Variants in TAB2 observed in about 807,000 individuals in gnomAD.
TAB2 encodes the protein TGF-beta-activated kinase 1 and MAP3K7-binding protein 2.
Under a neutral mutation model 65.0 loss-of-function variants are expected in TAB2, and 3 were observed. That is an observed-to-expected ratio of 0.05 (90% CI 0.02 to 0.12). The LOEUF is 0.12. Ranked by LOEUF, TAB2 falls within the 10% of genes least tolerant of loss-of-function variation. TAB2 has a pLI of 1.00. For missense variants in TAB2, 623 were observed against 840.3 expected (o/e 0.74, Z 3.20); for synonymous variants, 298 against 285.1 (o/e 1.05, Z -0.46).
chr6:149,222,768 T>C (rs1777179520), intron 1 of TAB2, among the ~76,000 whole-genome samples: 2 of 152,332 alleles, frequency 1.3e-5, no homozygotes, highest in South Asian at 4.1e-4. Context: ...ACCTACACTT[T>C]TCTTGCTGAT....
intron 1 of TAB2, among the ~76,000 whole-genome samples, chr6:149,273,229 T>C (rs1008206459): frequency 4.6e-5 from 7 of 152,098 alleles, no homozygotes; most frequent in African/African-American, 1.7e-4. Flanking sequence ...TAGAGGTACA[T>C]AGAAAAGTCA....
upstream of TAB2, among the ~76,000 whole-genome samples, chr6:149,317,263 A>G (rs2114718136): frequency 6.6e-6 from 1 of 152,064 alleles, no homozygotes; most frequent in Non-Finnish European, 1.5e-5. The surrounding 1 kb of genome is among the most constrained non-coding windows in gnomAD (Gnocchi z 4.7). Flanking sequence ...AGGGGGTCCC[A>G]GCCCTCCCCG....
At chr6:149,371,864 G>A (rs1781237663) in intron 2 of TAB2, among the ~76,000 whole-genome samples, 1 of 152,092 alleles carries the variant, frequency 6.6e-6, no homozygotes, top group South Asian at 2.1e-4. Context: ...AATAAAGATG[G>A]AGTCAGAAGT....
chr6:149,379,019 C>T lies in TAB2; in HGVS notation c.1104C>T (p.Tyr368=). Residue 368 remains tyrosine, a synonymous_variant, in exon 3 of 7, where the codon TAC becomes TAT. Transcript: ENST00000637181. ...TAAACAGAAATCAGCCCACTGTTTACATAGCTGCCAGCCCCCCAAATACGG... is the reference window on the plus strand; with the variant it reads ...TAAACAGAAATCAGCCCACTGTTTATATAGCTGCCAGCCCCCCAAATACGG... ...QTLNRNQPTV[Y]IAASPPNTDE... 6.2e-7 allele frequency: 1 copy of T among 1,614,214 alleles called. No homozygotes were observed. Among genetic ancestry groups the T allele is most frequent in the Non-Finnish European group, 8.5e-7 (1 of 1,180,034 alleles).
In TAB2 at chr6:149,378,105, G is replaced by T. The variant is rs1244858048; in HGVS notation, c.190G>T (p.Asp64Tyr). 1 of 1,614,160 alleles carries T rather than the reference G, an allele frequency of 6.2e-7. No homozygotes were observed. The highest frequency in any genetic ancestry group is 1.1e-5 in the South Asian group (1 of 91,072). ...TGGTGAAGGAGACTTGAATTTTTCA[G>T]ATGATTCTGGAATTTCTGGTCTACG... ...LYGEGDLNFS[D>Y]DSGISGLRNH... The change falls in exon 3 of 7, where the codon GAT becomes TAT. Residue 64 changes from aspartate to tyrosine, a missense_variant. Asp to Tyr is a radical substitution (Grantham distance 160). Coordinates refer to ENST00000637181, the MANE Select transcript of TAB2 (RefSeq NM_001292034.3).
intron 1 of TAB2, among the ~76,000 whole-genome samples, chr6:149,328,324 G>T (rs1779679041): frequency 6.6e-6 from 1 of 152,160 alleles, no homozygotes; most frequent in Non-Finnish European, 1.5e-5. Context: ...GAGGGAGTCT[G>T]CTCTGTCCCT....
chr6:149,383,802 C>T (rs1273766925), intron 3 of TAB2, among the ~76,000 whole-genome samples: 1 of 152,140 alleles, frequency 6.6e-6, no homozygotes, highest in African/African-American at 2.4e-5. Context: ...AGGCTGGTCT[C>T]GAACTCCTGA....
chr6:149,346,356 G>C (rs1780299687), intron 1 of TAB2: 1 of 150,744 alleles, frequency 6.6e-6, no homozygotes, highest in Non-Finnish European at 1.5e-5. Flanking sequence ...ACATTAGAAA[G>C]AAAATGAGCA....
intron 1 of TAB2, among the ~76,000 whole-genome samples, chr6:149,284,946 C>T (rs962251118): frequency 3.3e-5 from 5 of 152,170 alleles, no homozygotes; most frequent in Admixed American, 3.3e-4. Flanking sequence ...GAGCCAGCAG[C>T]CTCGAGGATG....
intron 1 of TAB2, among the ~76,000 whole-genome samples, chr6:149,345,871 A>T (rs1286984107): frequency 6.6e-6 from 1 of 152,130 alleles, no homozygotes; most frequent in Non-Finnish European, 1.5e-5. Context: ...CCATATAATT[A>T]TTTGGATATA....
chr6:149,381,591 T>TTTTTG (rs1554263494), intron 3 of TAB2, among the ~76,000 whole-genome samples: 1 of 127,142 alleles, frequency 7.9e-6, no homozygotes, highest in East Asian at 2.6e-4. Flanking sequence ...TTTTTTTTTT[T>TTTTTG]GGGACAGGGT....
At chr6:149,340,119 C>CTT (rs558901119) in intron 1 of TAB2, among the ~76,000 whole-genome samples, 86 of 152,214 alleles carry the variant, frequency 5.6e-4, no homozygotes, top group Non-Finnish European at 8.5e-4. Context: ...GATTCGGAAT[C>CTT]TTTTAAGTTT....
At chr6:149,229,389 A>C (rs1231638562) in intron 1 of TAB2, among the ~76,000 whole-genome samples, 1 of 118,538 alleles carries the variant, frequency 8.4e-6, no homozygotes, top group African/African-American at 3.6e-5. Context: ...CAAACCTTTA[A>C]AGACGTGTGT....
intron 1 of TAB2, among the ~76,000 whole-genome samples, chr6:149,261,915 T>C (rs1470799791): frequency 6.6e-6 from 1 of 152,222 alleles, no homozygotes; most frequent in Non-Finnish European, 1.5e-5. Context: ...GAATCCAAAT[T>C]CTAAAGACCC....
At chr6:149,257,209 A>G (rs1369471204) in intron 1 of TAB2, among the ~76,000 whole-genome samples, 2 of 152,218 alleles carry the variant, frequency 1.3e-5, no homozygotes, top group African/African-American at 4.8e-5. Flanking sequence ...ACGTCCACGG[A>G]AAGTAAAAAG....
chr6:149,378,064 G>A lies in TAB2; in HGVS notation c.149G>A (p.Ser50Asn), dbSNP rs1781464018. The change falls in exon 3 of 7, where the codon AGT becomes AAT. Residue 50 changes from serine (S) to asparagine (N), a missense_variant. Physicochemically the swap from Ser to Asn is conservative, Grantham distance 46 (BLOSUM62 1). Transcript: ENST00000637181. ...DACCAVLSQE[S>N]TRYLYGEGDL... is the part of the protein sequence containing the mutation. ...TGCTGTGCTGTTCTCTCTCAGGAGA[G>A]TACAAGATATCTTTATGGTGAAGGA... The A allele has an allele frequency of 6.2e-7, 1 of 1,614,124 alleles. No homozygotes were observed. Among genetic ancestry groups the A allele is most frequent in the Non-Finnish European group, 8.5e-7 (1 of 1,179,988 alleles).
intron 1 of TAB2, among the ~76,000 whole-genome samples, chr6:149,365,826 C>T (rs142496858): frequency 1.2e-3 from 184 of 152,104 alleles, no homozygotes; most frequent in African/African-American, 3.2e-3. Context: ...TTTTATTCAT[C>T]CTTCAGATTG....
intron 6 of TAB2, among the ~76,000 whole-genome samples, chr6:149,403,331 C>CACAT (rs1562456585): frequency 1.2e-4 from 4 of 33,786 alleles, no homozygotes; most frequent in African/African-American, 4.1e-4. Context: ...CATATATATA[C>CACAT]ATATATATAC....
chr6:149,218,611 A>AGCCTGTTG, upstream of TAB2: 1 of 343,936 alleles, frequency 2.9e-6, no homozygotes, highest in South Asian at 2.3e-5. Flanking sequence ...AGACACTCTT[A>AGCCTGTTG]TATTCTTACA....
Sources: gnomAD v4.1 joint callset for allele counts (sites outside exome capture counted in the v4.1 genomes callset) on GRCh38, gnomAD v4.1.1 for gene constraint, Gnocchi (gnomAD v3.1) non-coding constraint, MANE v1.5 for transcripts, NCBI Gene and HGNC (gene_info 2026-07-23, HGNC 2026-07-21) for gene names.